TFAM: variants seen among roughly 807,000 people sequenced by gnomAD.
TFAM encodes transcription factor A, mitochondrial, also known as mitochondrial transcription factor 1.
In TFAM, 13 loss-of-function variants were observed where a neutral mutation model predicts 30.6. That is an observed-to-expected ratio of 0.42 (90% CI 0.28 to 0.67). TFAM has a LOEUF of 0.67. Ranked by LOEUF, TFAM falls within the 30% of genes least tolerant of loss-of-function variation. The probability of loss-of-function intolerance (pLI) is 0.21; values close to 1 mark genes in which losing one functional copy is unlikely to be tolerated. For missense variants in TFAM, 231 were observed against 293.7 expected, an observed-to-expected ratio of 0.79 and a Z score of 1.56; for synonymous variants, 106 against 94.8, an observed-to-expected ratio of 1.12 and a Z score of -0.69.
intron 5 of TFAM, 112 bp downstream of exon 5, chr10:58,390,972 C>G (rs1840581253): frequency 3.0e-6 from 3 of 984,634 alleles, no homozygotes; most frequent in Non-Finnish European, 3.0e-6. Context: ...ACAGTAAACT[C>G]TTTTGCTAAG....
chr10:58,394,946 A>C lies in TFAM; in HGVS notation c.613A>C (p.Lys205Gln). The change falls in exon 7 of 7, where the codon AAA becomes CAA. Residue 205 changes from lysine (K) to glutamine (Q), a missense_variant. By Grantham distance (53) the Lys-to-Gln change is moderately conservative. Transcript: ENST00000487519. ...SEKELYIQHAKEDETRYHNEM... is the reference protein window; with the variant it reads ...SEKELYIQHAQEDETRYHNEM... ...TTCTCAGTTATATATTCAGCATGCTAAAGAGGACGAAACTCGTTATCATAA... is the reference window on the plus strand; with the variant it reads ...TTCTCAGTTATATATTCAGCATGCTCAAGAGGACGAAACTCGTTATCATAA... The C allele has an allele frequency of 3.7e-6, 6 of 1,613,482 alleles. No individual in the cohort carries two copies. Among genetic ancestry groups the C allele is most frequent in the Non-Finnish European group, 1.7e-6 (2 of 1,179,550 alleles).
At position 58,386,382 on chromosome 10, in the gene TFAM, A is replaced by G. The variant is rs45512492; in HGVS notation, c.220+44A>G. The stretch of plus-strand genomic sequence containing the variant: ...TATACCCTTTTCTCATGTAATAAAA[A>G]TGCCATTAAGCAGTTAAATACCAAT... On this transcript the variant is annotated intron_variant, in intron 2 of 6. Transcript: ENST00000487519. 54 of 1,376,918 alleles carry G rather than the reference A, an allele frequency of 3.9e-5. No individual in the cohort carries two copies. The African/African-American group carries it at 7.5e-4, about 19-fold the overall frequency. 85.3% of individuals were successfully genotyped at this position (1,376,918 alleles called of 1,614,324 possible).
intron 2 of TFAM, among the ~76,000 whole-genome samples, chr10:58,387,460 T>A (rs1172784679): frequency 6.6e-6 from 1 of 152,330 alleles, no homozygotes; most frequent in African/African-American, 2.4e-5. Context: ...TTCGAATAGC[T>A]TGTTTCCAAA....
At chr10:58,388,282 A>T in intron 3 of TFAM, 22 bp downstream of exon 3, 1 of 1,599,640 alleles carries the variant, frequency 6.3e-7, no homozygotes, top group Non-Finnish European at 8.6e-7. Context: ...AGTTTTCAAC[A>T]TTGCTGACCA....
At chr10:58,390,965 G>A in intron 5 of TFAM, 105 bp downstream of exon 5, 1 of 1,034,122 alleles carries the variant, frequency 9.7e-7, no homozygotes, top group Non-Finnish European at 1.4e-6. Flanking sequence ...TATCCAGACA[G>A]TAAACTCTTT....
chr10:58,386,391 A>C, intron 2 of TFAM, 53 bp downstream of exon 2: 4 of 1,285,214 alleles, frequency 3.1e-6, no homozygotes, highest in Non-Finnish European at 4.5e-6. Context: ...AATGCCATTA[A>C]GCAGTTAAAT....
At chr10:58,392,865 G>A (rs1389995656) in intron 5 of TFAM, among the ~76,000 whole-genome samples, 1 of 151,936 alleles carries the variant, frequency 6.6e-6, no homozygotes, top group Non-Finnish European at 1.5e-5. Context: ...TTGTAGAGAC[G>A]GGGTCTCATC....
At chr10:58,386,480 A>G (rs1044995823) in intron 2 of TFAM, 142 bp downstream of exon 2, 8 of 791,400 alleles carry the variant, frequency 1.0e-5, no homozygotes, top group Non-Finnish European at 1.7e-5. Flanking sequence ...AGGAAGTTCT[A>G]TTTTATACCA....
At chr10:58,391,232 C>T (rs1483305168) in intron 5 of TFAM, among the ~76,000 whole-genome samples, 1 of 152,080 alleles carries the variant, frequency 6.6e-6, no homozygotes, top group African/African-American at 2.4e-5. Flanking sequence ...TAACCTATTG[C>T]TTCATTTATA....
In TFAM at chr10:58,396,363, T is replaced by G. The variant is rs1449935661; in HGVS notation, c.*1289T>G. The stretch of plus-strand genomic sequence containing the variant: ...AGATGTTCTTGTTTTAGAATCATTG[T>G]CACCTTTAAGAGGAAAAAGGTCATC... On this transcript the variant is annotated 3_prime_UTR_variant, in exon 7 of 7. Transcript: ENST00000487519. 1 of 152,230 alleles carries G rather than the reference T, an allele frequency of 6.6e-6. No individual in the cohort carries two copies. Among genetic ancestry groups the G allele is most frequent in the African/African-American group, 2.4e-5 (1 of 41,466 alleles). 9.4% of individuals were successfully genotyped at this position (152,230 alleles called of 1,614,324 possible).
Position 58,388,692 on chromosome 10 carries a change from C to T in TFAM, c.314C>T (p.Ala105Val), listed in dbSNP as rs758607553. The T allele has an allele frequency of 1.2e-5, 19 of 1,613,282 alleles. No individual in the cohort carries two copies. The highest frequency in any genetic ancestry group is 3.3e-5 in the South Asian group (3 of 91,054). ...TAGATATATCAAGATGCTTATAGGG[C>T]GGAGTGGCAGGTATATAAAGAAGAG... ...KKKIYQDAYR[A>V]EWQVYKEEIS... The change falls in exon 4 of 7, where the codon GCG (alanine) becomes GTG (valine). Residue 105 changes from alanine (A) to valine (V), a missense_variant. Transcript: ENST00000487519.
chr10:58,394,610 T>G, intron 6 of TFAM, 196 bp downstream of exon 6: 1 of 720,760 alleles, frequency 1.4e-6, no homozygotes, highest in East Asian at 2.7e-5. Flanking sequence ...AATTGGTATT[T>G]GAAACCACAG....
At chr10:58,390,487 A>G (rs1285706450) in intron 4 of TFAM, among the ~76,000 whole-genome samples, 1 of 152,208 alleles carries the variant, frequency 6.6e-6, no homozygotes, top group Non-Finnish European at 1.5e-5. Flanking sequence ...GGTTTTGTAC[A>G]TATATATTCA....
intron 4 of TFAM, among the ~76,000 whole-genome samples, chr10:58,389,301 T>G (rs1387227235): frequency 6.6e-6 from 1 of 152,220 alleles, no homozygotes; most frequent in Non-Finnish European, 1.5e-5. Context: ...GAATTCTTTT[T>G]TTTTCTTCAA....
chr10:58,389,068 C>T (rs1033595014), intron 4 of TFAM, among the ~76,000 whole-genome samples: 2 of 152,062 alleles, frequency 1.3e-5, no homozygotes, highest in South Asian at 2.1e-4. Context: ...GTGTACAGTT[C>T]GTAGAACAGT....
chr10:58,386,003 C>G (rs1472444464), intron 1 of TFAM, among the ~76,000 whole-genome samples: 3 of 152,090 alleles, frequency 2.0e-5, no homozygotes, highest in African/African-American at 2.4e-5. Context: ...CCTTCACTCC[C>G]TGCCCTTCCT....
rs952067553 is a variant in TFAM at position 58,398,436 on chromosome 10, A to G, written c.*3362A>G. The G allele has an allele frequency of 3.9e-5, 6 of 152,056 alleles. No homozygotes were observed. The highest frequency in any genetic ancestry group is 1.4e-4 in the African/African-American group (6 of 41,410). The allele number at this position is 152,056 out of a possible 1,614,324, so 9.4% of individuals were successfully genotyped here. A position where few individuals can be genotyped will look rare whatever the true frequency, so the allele number is the denominator to read the frequency against. On this transcript the variant is annotated 3_prime_UTR_variant, in exon 7 of 7. Transcript: ENST00000487519. ...TGAGGGGAAGGAGGGTTGTGTATTTATTTTACTTTCTGATGTTTGCTTAAA... is the reference window on the plus strand; with the variant it reads ...TGAGGGGAAGGAGGGTTGTGTATTTGTTTTACTTTCTGATGTTTGCTTAAA...
In TFAM at chr10:58,388,732, A is replaced by G; in HGVS notation, c.354A>G (p.Lys118=). Residue 118 remains lysine, a synonymous_variant, in exon 4 of 7, where the codon AAA becomes AAG. Transcript: ENST00000487519. ...ATAAAGAAGAGATAAGCAGATTTAA[A>G]GAACAGCTAACTCCAAGTCAGATTA... The part of the protein sequence containing the change: ...QVYKEEISRF[K]EQLTPSQIMS... The G allele has an allele frequency of 6.2e-7, 1 of 1,613,954 alleles. No homozygotes were observed. The highest frequency in any genetic ancestry group is 8.5e-7 in the Non-Finnish European group (1 of 1,179,880).
At chr10:58,390,948 T>C (rs1840580762) in intron 5 of TFAM, 88 bp downstream of exon 5, 2 of 1,180,646 alleles carry the variant, frequency 1.7e-6, no homozygotes, top group Non-Finnish European at 2.4e-6. Context: ...TGAAGAAAAG[T>C]AGTGAATATC....
Sources: allele counts gnomAD v4.1 joint callset (sites outside exome capture counted in the v4.1 genomes callset), GRCh38; gene constraint gnomAD v4.1.1; transcripts MANE v1.5; gene names NCBI Gene and HGNC (gene_info 2026-07-23, HGNC 2026-07-21).